SENP2: variants seen among roughly 807,000 people sequenced by gnomAD.
SENP2 encodes the protein sentrin-specific protease 2.
Under a neutral mutation model 86.3 loss-of-function variants are expected in SENP2, and 16 were observed. The ratio of observed to expected loss-of-function variants is 0.19; its 90% CI spans 0.13 to 0.28. The LOEUF is 0.28. SENP2 is among the 10% of genes least tolerant of loss of function. The pLI, the probability that SENP2 is intolerant of heterozygous loss-of-function variation, is 1.00. For missense variants in SENP2, 552 were observed against 703.0 expected (o/e 0.79, Z 2.43); for synonymous variants, 222 against 238.7 (o/e 0.93, Z 0.64).
intron 16 of SENP2, among the ~76,000 whole-genome samples, chr3:185,627,896 A>G (rs965100530): frequency 2.6e-5 from 4 of 152,202 alleles, no homozygotes; most frequent in Non-Finnish European, 5.9e-5. Flanking sequence ...AGCAAACTGT[A>G]TGTATTCCAT....
intron 14 of SENP2, among the ~76,000 whole-genome samples, chr3:185,623,529 AT>A (rs1267577734): frequency 6.6e-5 from 10 of 152,104 alleles, no homozygotes; most frequent in African/African-American, 2.4e-4. Context: ...AGCATGTACA[AT>A]TTTTATAAGC....
chr3:185,617,652 T>C (rs753023064), intron 12 of SENP2, 41 bp downstream of exon 12: 7 of 1,574,530 alleles, frequency 4.4e-6, no homozygotes, highest in South Asian at 1.2e-5. Flanking sequence ...TCATTAAGTT[T>C]ATTTATTTAT....
Position 185,613,384 on chromosome 3 carries a change from C to T in SENP2, c.909C>T (p.Val303=), listed in dbSNP as rs149188369. 1.5e-5 allele frequency: 24 copies of T among 1,592,044 alleles called. 1 individual carries two copies. Among genetic ancestry groups the T allele is most frequent in the Middle Eastern group, 1.7e-4 (1 of 6,014 alleles). Residue 303 remains valine (V), a synonymous_variant, in exon 10 of 17, where the codon GTC becomes GTT. Transcript: ENST00000296257. The stretch of plus-strand genomic sequence containing the variant: ...AAATTACTGATACAGAGACGATGGT[C>T]GGAATCAGATTTGAAAATGAAAGTG... ...KGKITDTETM[V]GIRFENESRR... is the part of the protein sequence containing the mutation.
In SENP2 at chr3:185,631,445, CCCT is replaced by C; in HGVS notation, c.*1604_*1606del. 1 of 14,444 alleles carries C rather than the reference CCCT, an allele frequency of 6.9e-5. No individual in the cohort carries two copies. The highest frequency in any genetic ancestry group is 2.7e-3 in the East Asian group (1 of 374). The allele number at this position is 14,444 out of a possible 1,614,324, so 0.9% of individuals were successfully genotyped here. ...ACCTCTCCCCCCCCCCTCCCACTCC[CCCT>C]CCCTCCCTCTCCCCTCCCCCTCCCT... On this transcript the variant is annotated 3_prime_UTR_variant, in exon 17 of 17. Coordinates refer to ENST00000296257, the MANE Select transcript of SENP2 (RefSeq NM_021627.3).
At chr3:185,590,699 C>T (rs575419600) in intron 2 of SENP2, among the ~76,000 whole-genome samples, 21 of 147,902 alleles carry the variant, frequency 1.4e-4, no homozygotes, top group African/African-American at 4.7e-4. Flanking sequence ...AACCCCATCT[C>T]TACTAAACAT....
intron 3 of SENP2, 124 bp from the exon 4 acceptor site, chr3:185,598,834 C>G: frequency 1.4e-6 from 1 of 736,584 alleles, no homozygotes; most frequent in Non-Finnish European, 2.3e-6. Context: ...ACAAGTTAAA[C>G]CTTAGGTCTT....
chr3:185,614,391 T>C, intron 10 of SENP2, 173 bp from the exon 11 acceptor site: 1 of 607,946 alleles, frequency 1.6e-6, no homozygotes, highest in Non-Finnish European at 2.8e-6. Flanking sequence ...GGTCTGGAGC[T>C]TTTTTTGCTC....
At chr3:185,627,083 CA>C (rs34406883) in intron 16 of SENP2, among the ~76,000 whole-genome samples, 10,005 of 75,458 alleles carry the variant, frequency 0.13, 369 homozygotes, top group South Asian at 0.38. Context: ...AACCCTGTCT[CA>C]AAAAAAAAAA....
chr3:185,601,390 A>T (rs1722340509), intron 5 of SENP2, among the ~76,000 whole-genome samples: 1 of 152,034 alleles, frequency 6.6e-6, no homozygotes, highest in South Asian at 2.1e-4. Context: ...TGATTTTGAA[A>T]ATTGTTTTAG....
intron 13 of SENP2, among the ~76,000 whole-genome samples, chr3:185,619,835 C>A (rs1345640049): frequency 6.6e-6 from 1 of 152,018 alleles, no homozygotes; most frequent in Non-Finnish European, 1.5e-5. Flanking sequence ...TCAGGTGATC[C>A]TCCTGCCTCA....
intron 9 of SENP2, 135 bp downstream of exon 9, chr3:185,612,793 G>A: frequency 1.6e-6 from 1 of 606,842 alleles, no homozygotes; most frequent in South Asian, 2.6e-5. Flanking sequence ...ATATAGGGTA[G>A]ATAGGTAGCT....
At chr3:185,628,967 T>C (rs940958065) in intron 16 of SENP2, among the ~76,000 whole-genome samples, 3 of 152,174 alleles carry the variant, frequency 2.0e-5, no homozygotes, top group Non-Finnish European at 4.4e-5. Context: ...TGTTGCCAAA[T>C]AGCAAAGCAG....
At chr3:185,625,318 A>G (rs889925878) in intron 15 of SENP2, among the ~76,000 whole-genome samples, 11 of 151,970 alleles carry the variant, frequency 7.2e-5, no homozygotes, top group African/African-American at 1.7e-4. Flanking sequence ...TCACCATGTT[A>G]GCCAGGATGG....
chr3:185,623,826 CAAAAAAAAAAAAA>C lies in SENP2; in HGVS notation c.1527-160_1527-148del, dbSNP rs63707460. 6.3e-5 allele frequency among the ~76,000 whole-genome samples: 3 copies of C among 47,788 alleles called. No individual in the cohort carries two copies. In the South Asian group the frequency reaches 4.5e-3, roughly 72 times the overall value. 31.4% of individuals were successfully genotyped at this position (47,788 alleles called of 152,430 possible). On this transcript the variant is annotated intron_variant, in intron 14 of 16. Coordinates refer to ENST00000296257, the MANE Select transcript of SENP2 (RefSeq NM_021627.3). Reference sequence around the variant, plus strand: ...TGGGCGACAGAGCGAGACTCTGTCTCAAAAAAAAAAAAAAAAAAAAAAAATCCAGAAAGCAGTC... The same window carrying C: ...TGGGCGACAGAGCGAGACTCTGTCTCAAAAAAAAAAATCCAGAAAGCAGTC...
At chr3:185,605,387 G>T (rs894348734) in intron 5 of SENP2, among the ~76,000 whole-genome samples, 3 of 151,652 alleles carry the variant, frequency 2.0e-5, no homozygotes, top group Non-Finnish European at 4.4e-5. Flanking sequence ...AAAAGAATAA[G>T]GGCATTCACT....
chr3:185,622,906 T>C (rs570555545), intron 14 of SENP2, among the ~76,000 whole-genome samples: 16 of 141,082 alleles, frequency 1.1e-4, no homozygotes, highest in African/African-American at 4.0e-4. Flanking sequence ...AACCTCTGCC[T>C]CCTGGGTTCA....
At chr3:185,622,377 G>A (rs1309934181) in intron 14 of SENP2, among the ~76,000 whole-genome samples, 3 of 152,136 alleles carry the variant, frequency 2.0e-5, no homozygotes, top group Non-Finnish European at 2.9e-5. Context: ...CTACTTCTTA[G>A]CTAGGTAAAG....
At chr3:185,607,259 T>G (rs1722545452) in intron 6 of SENP2, among the ~76,000 whole-genome samples, 1 of 151,210 alleles carries the variant, frequency 6.6e-6, no homozygotes, top group African/African-American at 2.4e-5. Context: ...TTTTTAGATG[T>G]GGTTATTTTT....
At chr3:185,591,256 G>C (rs1324836103) in intron 2 of SENP2, among the ~76,000 whole-genome samples, 3 of 151,942 alleles carry the variant, frequency 2.0e-5, no homozygotes, top group Non-Finnish European at 2.9e-5. Context: ...GGTAACTACT[G>C]TTACCAGGGA....
Sources: gnomAD v4.1 joint callset for allele counts (sites outside exome capture counted in the v4.1 genomes callset) on GRCh38, gnomAD v4.1.1 for gene constraint, MANE v1.5 for transcripts, NCBI Gene and HGNC (gene_info 2026-07-23, HGNC 2026-07-21) for gene names.